TBXAS1: variants seen among roughly 807,000 people sequenced by gnomAD.
TBXAS1 encodes the protein thromboxane A synthase 1.
In TBXAS1, 48 loss-of-function variants were observed where a neutral mutation model predicts 60.7. The ratio of observed to expected loss-of-function variants is 0.79; its 90% confidence interval spans 0.63 to 1.01. The LOEUF (loss-of-function observed/expected upper bound fraction) is 1.01. TBXAS1 is among the 50% of genes least tolerant of loss of function. TBXAS1 has a pLI of 0.00. For synonymous variants in TBXAS1, 287 were observed against 269.7 expected (o/e 1.06, Z -0.63); for missense variants, 685 against 686.3 (o/e 1.00, Z 0.02).
intron 3 of TBXAS1, among the ~76,000 whole-genome samples, chr7:139,783,023 T>C (rs1034257101): frequency 2.0e-5 from 3 of 152,228 alleles, no homozygotes; most frequent in Non-Finnish European, 4.4e-5. Context: ...CAGAGTAGTA[T>C]TTAATAACAA....
intron 2 of TBXAS1, among the ~76,000 whole-genome samples, chr7:139,874,433 C>T (rs796609594): frequency 2.0e-5 from 3 of 152,290 alleles, no homozygotes; most frequent in Non-Finnish European, 2.9e-5. Flanking sequence ...CTTTGCAGCC[C>T]GCCATCCTCA....
At chr7:140,005,655 G>A (rs966676768) in intron 9 of TBXAS1, among the ~76,000 whole-genome samples, 1 of 151,996 alleles carries the variant, frequency 6.6e-6, no homozygotes, top group African/African-American at 2.4e-5. Flanking sequence ...TCCAAACCTT[G>A]TTATTTTTTA....
intron 4 of TBXAS1, among the ~76,000 whole-genome samples, chr7:139,805,082 C>G (rs1482730748): frequency 6.6e-6 from 1 of 152,240 alleles, no homozygotes; most frequent in Non-Finnish European, 1.5e-5. Context: ...ATCCATCAGG[C>G]AGATGGGTGT....
chr7:139,790,175 T>G (rs1308655380), intron 4 of TBXAS1, among the ~76,000 whole-genome samples: 1 of 152,240 alleles, frequency 6.6e-6, no homozygotes. Flanking sequence ...CTATCCCAAA[T>G]TGCTGCAGCA....
At chr7:140,005,018 T>C (rs576047616) in intron 9 of TBXAS1, among the ~76,000 whole-genome samples, 23 of 152,144 alleles carry the variant, frequency 1.5e-4, no homozygotes, top group African/African-American at 5.5e-4. Flanking sequence ...ACAGTGGCCA[T>C]AGGTCAGGGC....
chr7:139,916,045 C>T lies in TBXAS1; in HGVS notation c.333+4724C>T, dbSNP rs568208621. Among the ~76,000 whole-genome samples the T allele has an allele frequency of 4.1e-4, 63 of 152,326 alleles. No homozygotes were observed. The highest frequency in any genetic ancestry group is 1.3e-3 in the African/African-American group (54 of 41,580). ...TTCTTGGCACTTATAGAAGCTCAGTCGTCCTGGTACATCAGGACTCGGATG... is the reference window on the plus strand; with the variant it reads ...TTCTTGGCACTTATAGAAGCTCAGTTGTCCTGGTACATCAGGACTCGGATG... On this transcript the variant is annotated intron_variant, in intron 4 of 12. Transcript: ENST00000448866. This position sits in a 1 kb window ranked among gnomAD's most constrained non-coding sequence, Gnocchi z 4.2.
intron 9 of TBXAS1, among the ~76,000 whole-genome samples, chr7:140,002,526 A>C (rs1402573087): frequency 6.6e-6 from 1 of 151,534 alleles, no homozygotes; most frequent in Non-Finnish European, 1.5e-5. Context: ...TGAAAGCTGC[A>C]GACAAAGCCA....
At chr7:139,932,342 C>T (rs1807403661) in intron 4 of TBXAS1, among the ~76,000 whole-genome samples, 4 of 152,182 alleles carry the variant, frequency 2.6e-5, no homozygotes, top group South Asian at 2.1e-4. Context: ...GACCAAACCC[C>T]TCTGCATGCT....
At chr7:139,860,644 C>T (rs1313249259) in intron 1 of TBXAS1, among the ~76,000 whole-genome samples, 2 of 152,154 alleles carry the variant, frequency 1.3e-5, no homozygotes, top group Non-Finnish European at 2.9e-5. Context: ...GGAAGCAGAA[C>T]TGGAAGGTTA....
intron 9 of TBXAS1, among the ~76,000 whole-genome samples, chr7:139,991,110 G>A (rs1289190645): frequency 2.0e-5 from 3 of 152,156 alleles, no homozygotes; most frequent in South Asian, 2.1e-4. Context: ...CACAGAGAGC[G>A]TGCGCTCCAA....
rs76189990 is a variant in TBXAS1, at chr7:139,893,310, A to T, written c.236+17673A>T. On this transcript the variant is annotated intron_variant, in intron 3 of 12. Coordinates refer to ENST00000448866, the MANE Select transcript of TBXAS1 (RefSeq NM_001061.7). ...ACTCTCACAAATATATGTCCTGCAC[A>T]TATTCTATGGAATAGACACACACAC... 4.5e-3 allele frequency among the ~76,000 whole-genome samples: 651 copies of T among 145,092 alleles called. 5 individuals are homozygous for T. The highest frequency in any genetic ancestry group is 0.016 in the African/African-American group (623 of 39,332).
At chr7:139,788,617 T>C (rs1288140395) in intron 4 of TBXAS1, among the ~76,000 whole-genome samples, 1 of 152,168 alleles carries the variant, frequency 6.6e-6, no homozygotes, top group Non-Finnish European at 1.5e-5. Context: ...CTCTTGTACT[T>C]TGGAGGGAGC....
intron 4 of TBXAS1, among the ~76,000 whole-genome samples, chr7:139,914,252 G>C (rs1335516557): frequency 6.6e-6 from 1 of 151,852 alleles, no homozygotes; most frequent in African/African-American, 2.4e-5. Flanking sequence ...GCCAAGGTTA[G>C]TCTCGAGCTC....
At chr7:139,901,373 G>A (rs1056041306) in intron 3 of TBXAS1, among the ~76,000 whole-genome samples, 3 of 150,874 alleles carry the variant, frequency 2.0e-5, no homozygotes, top group African/African-American at 7.3e-5. Context: ...TGACTACTTG[G>A]AAGGACAACT....
chr7:139,872,701 C>T (rs1801913258), intron 2 of TBXAS1, among the ~76,000 whole-genome samples: 1 of 152,020 alleles, frequency 6.6e-6, no homozygotes, highest in African/African-American at 2.4e-5. Flanking sequence ...TATGCTGAGC[C>T]CAGGACAGGC....
chr7:139,859,215 T>C lies in TBXAS1; in HGVS notation c.90-13020T>C, dbSNP rs889218243. On this transcript the variant is annotated intron_variant, in intron 1 of 12. Transcript: ENST00000448866. ...TTATCGTTAGTTTTTTTTTTTTTTT[T>C]TTTTGAGACGGAGTCTCACTCTGTC... Among the ~76,000 whole-genome samples the C allele has an allele frequency of 6.1e-5, 9 of 148,006 alleles. No homozygotes were observed. The East Asian group carries it at 1.8e-3, about 30-fold the overall frequency.
intron 4 of TBXAS1, among the ~76,000 whole-genome samples, chr7:139,819,605 C>T (rs747395179): frequency 1.3e-5 from 2 of 152,148 alleles, no homozygotes; most frequent in Non-Finnish European, 2.9e-5. Context: ...CAGGTTCAAG[C>T]GATTCTCCTG....
intron 4 of TBXAS1, among the ~76,000 whole-genome samples, chr7:139,807,304 TCAA>T (rs1797902352): frequency 6.6e-6 from 1 of 152,112 alleles, no homozygotes; most frequent in Non-Finnish European, 1.5e-5. Flanking sequence ...ATTCCTGGGC[TCAA>T]GTGATCCTCC....
chr7:139,973,154 G>A (rs769447788), intron 9 of TBXAS1, among the ~76,000 whole-genome samples: 5 of 152,134 alleles, frequency 3.3e-5, no homozygotes, highest in African/African-American at 4.8e-5. Context: ...CTCGGCCTCC[G>A]AGGAGACCTC....
Sources: gnomAD v4.1 joint callset for allele counts (sites outside exome capture counted in the v4.1 genomes callset) on GRCh38, gnomAD v4.1.1 for gene constraint, Gnocchi (gnomAD v3.1) non-coding constraint, MANE v1.5 for transcripts, NCBI Gene and HGNC (gene_info 2026-07-23, HGNC 2026-07-21) for gene names.